POLE2: variants seen among roughly 807,000 people sequenced by gnomAD.
The protein encoded by POLE2 is DNA polymerase epsilon 2, accessory subunit.
POLE2 carries 56 observed loss-of-function variants against 79.4 expected under a neutral mutation model. The ratio of observed to expected loss-of-function variants is 0.71; its 90% CI spans 0.57 to 0.88. POLE2 has a LOEUF of 0.88. Ranked by LOEUF, POLE2 falls within the 40% of genes least tolerant of loss-of-function variation. The pLI is 0.00. For synonymous variants in POLE2, 212 were observed against 214.0 expected, an observed-to-expected ratio of 0.99 and a Z score of 0.08; for missense variants, 598 against 638.9, an observed-to-expected ratio of 0.94 and a Z score of 0.69.
intron 5 of POLE2, among the ~76,000 whole-genome samples, chr14:49,670,545 T>C (rs563238170): frequency 1.3e-5 from 2 of 152,032 alleles, no homozygotes; most frequent in African/African-American, 2.4e-5. Context: ...CTTCTATAGA[T>C]AGGAATTCAA....
chr14:49,646,527 TG>T (rs1380091173), intron 18 of POLE2: 1 of 152,028 alleles, frequency 6.6e-6, no homozygotes, highest in Non-Finnish European at 1.5e-5. Flanking sequence ...TTCACCATGT[TG>T]GTCAGGCTGG....
intron 11 of POLE2, 91 bp from the exon 12 acceptor site, chr14:49,655,185 T>G (rs1884564881): frequency 7.4e-6 from 3 of 407,030 alleles, no homozygotes; most frequent in Non-Finnish European, 1.3e-5. Flanking sequence ...TAATAAAAAT[T>G]TATTTTAATT....
At chr14:49,651,536 T>A (rs775574736) in intron 15 of POLE2, 159 bp from the exon 16 acceptor site, 8 of 466,986 alleles carry the variant, frequency 1.7e-5, no homozygotes, top group Non-Finnish European at 2.7e-5. Context: ...TTAACAGCTA[T>A]GTATTGAGCT....
At chr14:49,662,335 G>A (rs1468548817) in intron 10 of POLE2, among the ~76,000 whole-genome samples, 1 of 152,236 alleles carries the variant, frequency 6.6e-6, no homozygotes, top group Non-Finnish European at 1.5e-5. Flanking sequence ...GTCTCGCTCT[G>A]TTGCCAGGCT....
In POLE2 at chr14:49,647,364, TG is replaced by T; in HGVS notation, c.1498-5del. Reference sequence around the variant, plus strand: ...ATCCACTTCTTGGAAAAGAGCCCTTTGGGGGAGAAAAATGCCTGTAAGTGAA... The same window carrying T: ...ATCCACTTCTTGGAAAAGAGCCCTTTGGGGAGAAAAATGCCTGTAAGTGAA... On this transcript the variant is annotated splice_region_variant and splice_polypyrimidine_tract_variant and intron_variant, in intron 17 of 18. Coordinates refer to ENST00000216367, the MANE Select transcript of POLE2 (RefSeq NM_002692.4). 6.5e-7 allele frequency: 1 copy of T among 1,530,454 alleles called. No individual in the cohort carries two copies. The highest frequency in any genetic ancestry group is 8.8e-7 in the Non-Finnish European group (1 of 1,129,968). The allele number at this position is 1,530,454 out of a possible 1,614,324, so 94.8% of individuals were successfully genotyped here.
chr14:49,673,465 A>ACCTTTCTTCACAATCACCACCTTTTCC (rs1325816120), intron 5 of POLE2, among the ~76,000 whole-genome samples: 7 of 152,140 alleles, frequency 4.6e-5, no homozygotes, highest in Non-Finnish European at 1.0e-4. Flanking sequence ...TTTTTGCTGT[A>ACCTTTCTTCACAATCACCACCTTTTCC]CCTTTCTTCA....
At chr14:49,656,456 T>C (rs915150506) in intron 10 of POLE2, among the ~76,000 whole-genome samples, 8 of 152,126 alleles carry the variant, frequency 5.3e-5, no homozygotes, top group African/African-American at 1.7e-4. Flanking sequence ...CAATATCTCA[T>C]AGAAACCTCA....
chr14:49,648,228 C>T (rs147247720), intron 17 of POLE2, among the ~76,000 whole-genome samples: 2,250 of 152,276 alleles, frequency 0.015, 50 homozygotes, highest in African/African-American at 0.048. Context: ...GCCCCAAGCA[C>T]CGAACCCAAC....
Position 49,665,758 on chromosome 14 carries a change from C to T in POLE2, c.576+572G>A, listed in dbSNP as rs771675883. 3.1e-4 allele frequency among the ~76,000 whole-genome samples: 46 copies of T among 148,648 alleles called. No individual in the cohort carries two copies. In the Middle Eastern group the frequency reaches 0.018, roughly 58 times the overall value. On this transcript the variant is annotated intron_variant, in intron 7 of 18. Transcript: ENST00000216367. Reference sequence around the variant, plus strand: ...GAAAATGTACATGACCTAATTTTTACGTCATTGTAAAACAGGCCCTATGGA... The same window carrying T: ...GAAAATGTACATGACCTAATTTTTATGTCATTGTAAAACAGGCCCTATGGA...
chr14:49,671,429 T>G (rs975538609), intron 5 of POLE2, among the ~76,000 whole-genome samples: 8 of 151,658 alleles, frequency 5.3e-5, no homozygotes, highest in Non-Finnish European at 1.2e-4. Flanking sequence ...CCATTCTGGC[T>G]AACACAGTGA....
chr14:49,668,926 C>T (rs1458492368), intron 6 of POLE2, among the ~76,000 whole-genome samples: 2 of 152,106 alleles, frequency 1.3e-5, no homozygotes, highest in African/African-American at 2.4e-5. Context: ...TCAGCCTCTC[C>T]AGTAGCTGGG....
intron 1 of POLE2, among the ~76,000 whole-genome samples, chr14:49,684,851 C>G (rs1394829052): frequency 2.0e-5 from 3 of 151,884 alleles, no homozygotes; most frequent in Admixed American, 6.6e-5. Flanking sequence ...GTGGCGGGCG[C>G]CGGTAGTCCC....
chr14:49,647,635 G>A (rs1883882192), intron 17 of POLE2, among the ~76,000 whole-genome samples: 1 of 151,886 alleles, frequency 6.6e-6, no homozygotes, highest in Non-Finnish European at 1.5e-5. Flanking sequence ...TGTATTTTTT[G>A]TAAAGAGGGA....
rs374300316 is a variant in POLE2 at position 49,679,736 on chromosome 14, A to C, written c.234T>G (p.Val78=). Reference sequence around the variant, plus strand: ...CTGTACCCACATACATAGTTTCATCAACAGACTGACTGCATTCCTGGACTG... The same window carrying C: ...CTGTACCCACATACATAGTTTCATCCACAGACTGACTGCATTCCTGGACTG... ...EAAVQECSQS[V]DETIEHVFNI... The change falls in exon 3 of 19, where the codon GTT becomes GTG. Residue 78 remains valine, a synonymous_variant. Coordinates refer to ENST00000216367, the MANE Select transcript of POLE2 (RefSeq NM_002692.4). 3.1e-6 allele frequency: 5 copies of C among 1,590,970 alleles called. No homozygotes were observed. The highest frequency in any genetic ancestry group is 4.3e-6 in the Non-Finnish European group (5 of 1,159,164).
At position 49,651,305 on chromosome 14, in the gene POLE2, G is replaced by T; in HGVS notation, c.1284C>A (p.Val428=). The change falls in exon 16 of 19, where the codon GTC becomes GTA. Residue 428 remains valine, a synonymous_variant. Coordinates refer to ENST00000216367, the MANE Select transcript of POLE2 (RefSeq NM_002692.4). ...DLVNKMCRNC[V]RFPSSNLAIP... ...TAGCCAAATTGCTGCTAGGAAAACGGACGCAGTTTCTGCACATTTTATTTA... is the reference window on the plus strand; with the variant it reads ...TAGCCAAATTGCTGCTAGGAAAACGTACGCAGTTTCTGCACATTTTATTTA... 1 of 1,604,012 alleles carries T rather than the reference G, an allele frequency of 6.2e-7. No individual in the cohort carries two copies. The highest frequency in any genetic ancestry group is 1.1e-5 in the South Asian group (1 of 90,604).
intron 6 of POLE2, among the ~76,000 whole-genome samples, chr14:49,668,958 G>A (rs547656410): frequency 1.9e-4 from 29 of 152,216 alleles, no homozygotes; most frequent in African/African-American, 4.8e-4. Flanking sequence ...ACAACATCAC[G>A]CCTGGCTAAT....
At chr14:49,658,532 A>C (rs1278451567) in intron 10 of POLE2, among the ~76,000 whole-genome samples, 1 of 152,242 alleles carries the variant, frequency 6.6e-6, no homozygotes, top group Non-Finnish European at 1.5e-5. Context: ...TAGGAGGTAC[A>C]AAAACATTTT....
intron 2 of POLE2, 57 bp from the exon 3 acceptor site, chr14:49,679,857 C>T (rs1886573797): frequency 1.1e-6 from 1 of 918,306 alleles, no homozygotes; most frequent in East Asian, 2.5e-5. Context: ...TAGTTCTTTC[C>T]ACAGACAGCT....
intron 9 of POLE2, 75 bp from the exon 10 acceptor site, chr14:49,663,462 C>T: frequency 1.0e-6 from 1 of 973,516 alleles, no homozygotes; most frequent in Non-Finnish European, 1.6e-6. Context: ...TACAACAAAG[C>T]AATAATGCCA....
Sources: allele counts gnomAD v4.1 joint callset (sites outside exome capture counted in the v4.1 genomes callset), GRCh38; gene constraint gnomAD v4.1.1; transcripts MANE v1.5; gene names NCBI Gene and HGNC (gene_info 2026-07-23, HGNC 2026-07-21).